WDFY2: variants seen among roughly 807,000 people sequenced by gnomAD.
WDFY2 encodes the protein WD repeat and FYVE domain-containing protein 2.
In WDFY2, 36 loss-of-function variants were observed where a neutral mutation model predicts 56.4. The observed-to-expected ratio is 0.64, with a 90% CI of 0.49 to 0.84. WDFY2 has a LOEUF of 0.84. Ranked by LOEUF, WDFY2 falls within the 40% of genes least tolerant of loss-of-function variation. The pLI, the probability that WDFY2 is intolerant of heterozygous loss-of-function variation, is 0.00. For synonymous variants in WDFY2, 176 were observed against 183.7 expected (o/e 0.96, Z 0.34); for missense variants, 444 against 512.2 (o/e 0.87, Z 1.29).
At chr13:51,750,820 T>A (rs1953216411) in intron 7 of WDFY2, among the ~76,000 whole-genome samples, 1 of 152,166 alleles carries the variant, frequency 6.6e-6, no homozygotes, top group Non-Finnish European at 1.5e-5. Context: ...GCATGCCTGG[T>A]CCCAAGCCAC....
intron 1 of WDFY2, among the ~76,000 whole-genome samples, chr13:51,629,990 G>T (rs1313551684): frequency 6.6e-6 from 1 of 151,806 alleles, no homozygotes; most frequent in Non-Finnish European, 1.5e-5. Context: ...CTTCTTCTTT[G>T]ATCTTAGTAT....
chr13:51,694,936 C>CTT (rs1411617386), intron 3 of WDFY2, among the ~76,000 whole-genome samples: 1 of 152,148 alleles, frequency 6.6e-6, no homozygotes, highest in Non-Finnish European at 1.5e-5. Context: ...TTCATTTGAT[C>CTT]TTCCATCACT....
chr13:51,584,868 C>T (rs757722701), intron 1 of WDFY2, 44 bp downstream of exon 1: 74 of 1,607,116 alleles, frequency 4.6e-5, no homozygotes, highest in Non-Finnish European at 5.9e-5. Context: ...GCGGGACGGG[C>T]CGACGGCCCT....
chr13:51,757,097 G>C (rs1761840040), intron 10 of WDFY2, among the ~76,000 whole-genome samples: 1 of 152,182 alleles, frequency 6.6e-6, no homozygotes, highest in African/African-American at 2.4e-5. Context: ...ACTTACAGGA[G>C]GATCTGCAGG....
chr13:51,754,991 A>G (rs1458410219), intron 8 of WDFY2, among the ~76,000 whole-genome samples: 1 of 152,208 alleles, frequency 6.6e-6, no homozygotes, highest in Non-Finnish European at 1.5e-5. Flanking sequence ...TCTGTGCTCC[A>G]GCCATCCCCA....
Position 51,584,835 on chromosome 13 carries a change from C to T in WDFY2, c.137+11C>T. 1 of 1,613,054 alleles carries T rather than the reference C, an allele frequency of 6.2e-7. No individual in the cohort carries two copies. On this transcript the variant is annotated intron_variant, in intron 1 of 11. Coordinates refer to ENST00000298125, the MANE Select transcript of WDFY2 (RefSeq NM_052950.4). ...CGTCTCCGAGGACAGGTATGGACTA[C>T]TGCCATTCGGCCGCGAGGAGGGGCG... is the stretch of plus-strand genomic sequence containing the variant.
chr13:51,756,706 C>T, intron 10 of WDFY2: 1 of 943,950 alleles, frequency 1.1e-6, no homozygotes, highest in Non-Finnish European at 1.3e-6. Flanking sequence ...AGGTTATGTG[C>T]CTTTAAATTA....
chr13:51,711,626 C>T (rs553098477), intron 4 of WDFY2, among the ~76,000 whole-genome samples: 1 of 152,268 alleles, frequency 6.6e-6, no homozygotes, highest in African/African-American at 2.4e-5. Flanking sequence ...AAAAAGTGGG[C>T]AAAGGATATA....
At chr13:51,623,166 A>G (rs1386493278) in intron 1 of WDFY2, among the ~76,000 whole-genome samples, 2 of 151,986 alleles carry the variant, frequency 1.3e-5, no homozygotes, top group Admixed American at 1.3e-4. Context: ...CCTTAACTGT[A>G]CACTTTTAAA....
At chr13:51,728,222 G>A (rs1305442117) in intron 6 of WDFY2, among the ~76,000 whole-genome samples, 2 of 152,154 alleles carry the variant, frequency 1.3e-5, no homozygotes, top group African/African-American at 4.8e-5. Context: ...TGAAAAGACA[G>A]ATATACTCTT....
intron 1 of WDFY2, among the ~76,000 whole-genome samples, chr13:51,605,924 C>T (rs1954377676): frequency 1.3e-5 from 2 of 152,210 alleles, no homozygotes. Flanking sequence ...TTCATTGTCA[C>T]TGTATGAGAT....
rs75550779 is a variant in WDFY2, at chr13:51,717,668, A to T, written c.335-1530A>T. Reference sequence around the variant, plus strand: ...TCCATCACTGATAGAACTTGAATTGAACATTTGACGATAGAGACATAAAAA... The same window carrying T: ...TCCATCACTGATAGAACTTGAATTGTACATTTGACGATAGAGACATAAAAA... On this transcript the variant is annotated intron_variant, in intron 4 of 11. Transcript: ENST00000298125. 4.1e-3 allele frequency among the ~76,000 whole-genome samples: 624 copies of T among 152,168 alleles called. 5 individuals are homozygous for T. The highest frequency in any genetic ancestry group is 0.015 in the African/African-American group (604 of 41,502).
In WDFY2 at chr13:51,719,359, C is replaced by T. The variant is rs1952437780; in HGVS notation, c.485+11C>T. ...GGCCTCAGGCCTGCAGTATCCTTTGCTGGACAAAAATCTCTTAGTGGGAAC... is the reference window on the plus strand; with the variant it reads ...GGCCTCAGGCCTGCAGTATCCTTTGTTGGACAAAAATCTCTTAGTGGGAAC... On this transcript the variant is annotated intron_variant, in intron 5 of 11. Coordinates refer to ENST00000298125, the MANE Select transcript of WDFY2 (RefSeq NM_052950.4). The T allele has an allele frequency of 1.3e-6, 2 of 1,543,842 alleles. No homozygotes were observed. The highest frequency in any genetic ancestry group is 2.2e-5 in the Admixed American group (1 of 46,164).
At position 51,661,959 on chromosome 13, in the gene WDFY2, TTTTGTTTATTTG is replaced by T. The variant is rs1175196080; in HGVS notation, c.205+1312_205+1323del. Among the ~76,000 whole-genome samples the T allele has an allele frequency of 6.6e-5, 10 of 152,140 alleles. No individual in the cohort carries two copies. The South Asian group carries it at 1.9e-3, about 28-fold the overall frequency. On this transcript the variant is annotated intron_variant, in intron 2 of 11. Coordinates refer to ENST00000298125, the MANE Select transcript of WDFY2 (RefSeq NM_052950.4). ...TTCTCTAGGTTTTTTTTTCCTGTTT[TTTTGTTTATTTG>T]TTTGTTTATTTGTTTTTGAGATGGA... is the stretch of plus-strand genomic sequence containing the variant.
chr13:51,718,976 G>A (rs1485267147), intron 4 of WDFY2, among the ~76,000 whole-genome samples: 1 of 152,112 alleles, frequency 6.6e-6, no homozygotes, highest in East Asian at 1.9e-4. Context: ...GGGAAGAGAT[G>A]GATAGTTTTT....
At chr13:51,711,093 G>T (rs1952203746) in intron 4 of WDFY2, among the ~76,000 whole-genome samples, 5 of 152,078 alleles carry the variant, frequency 3.3e-5, no homozygotes, top group Admixed American at 3.3e-4. Context: ...AAACAGAGGT[G>T]TAGATCAATG....
intron 7 of WDFY2, among the ~76,000 whole-genome samples, chr13:51,740,572 A>G (rs1356003512): frequency 1.3e-5 from 2 of 152,038 alleles, no homozygotes; most frequent in East Asian, 1.9e-4. Flanking sequence ...AAAGTAGCCG[A>G]GCATAGTGGC....
In WDFY2 at chr13:51,760,038, G is replaced by C. The variant is rs1209553567; in HGVS notation, c.*269G>C. On this transcript the variant is annotated 3_prime_UTR_variant, in exon 12 of 12. Coordinates refer to ENST00000298125, the MANE Select transcript of WDFY2 (RefSeq NM_052950.4). ...CTGGCTGTGCTGCATTGTTTTGAGT[G>C]TACCGAAAAATCTGTGTGGGGTGTT... 4 of 361,866 alleles carry C rather than the reference G, an allele frequency of 1.1e-5. No individual in the cohort carries two copies. Among genetic ancestry groups the C allele is most frequent in the African/African-American group, 2.1e-5 (1 of 48,360 alleles). The allele number at this position is 361,866 out of a possible 1,614,324, so 22.4% of individuals were successfully genotyped here.
intron 4 of WDFY2, among the ~76,000 whole-genome samples, chr13:51,713,598 C>T (rs995606378): frequency 1.2e-4 from 18 of 152,116 alleles, no homozygotes; most frequent in Non-Finnish European, 2.1e-4. Flanking sequence ...CAAGGCCAGG[C>T]GTAGTGGCTC....
Sources: allele counts gnomAD v4.1 joint callset (sites outside exome capture counted in the v4.1 genomes callset), GRCh38; gene constraint gnomAD v4.1.1; transcripts MANE v1.5; gene names NCBI Gene and HGNC (gene_info 2026-07-23, HGNC 2026-07-21).